ENTREP2: variants seen among roughly 807,000 people sequenced by gnomAD.
ENTREP2 encodes protein ENTREP2.
At chr15:29,400,349 G>A in the ENTREP2 span, among the ~76,000 whole-genome samples, 6 of 152,190 alleles carry the variant, frequency 3.9e-5, no homozygotes, top group African/African-American at 1.4e-4. Flanking sequence ...TTTAATAAGA[G>A]GTGAGCAGGA....
chr15:29,215,975 C>A, the ENTREP2 span, among the ~76,000 whole-genome samples: 2 of 152,114 alleles, frequency 1.3e-5, no homozygotes, highest in African/African-American at 4.8e-5. Flanking sequence ...ATGTGAGGTA[C>A]CATTGCATTC....
the ENTREP2 span, among the ~76,000 whole-genome samples, chr15:29,189,420 C>CTT: frequency 3.7e-3 from 529 of 142,636 alleles, 1 homozygote; most frequent in African/African-American, 0.013. Flanking sequence ...AATTGTCTTG[C>CTT]TTTTTTTTTT....
At chr15:29,648,876 T>C in the ENTREP2 span, among the ~76,000 whole-genome samples, 2 of 151,932 alleles carry the variant, frequency 1.3e-5, no homozygotes, top group Non-Finnish European at 2.9e-5. Context: ...GAGGCGGAAG[T>C]TGCAGTGAGC....
chr15:29,627,532 A>G, the ENTREP2 span, among the ~76,000 whole-genome samples: 1 of 138,688 alleles, frequency 7.2e-6, no homozygotes, highest in African/African-American at 3.0e-5. Context: ...ACAGAGCAAG[A>G]CTCCATCTAA....
the ENTREP2 span, among the ~76,000 whole-genome samples, chr15:29,652,996 G>A: frequency 6.6e-6 from 1 of 152,100 alleles, no homozygotes; most frequent in Admixed American, 6.5e-5. Flanking sequence ...CATAAGAAAG[G>A]TTCTTAATAA....
chr15:29,514,932 T>A, the ENTREP2 span, among the ~76,000 whole-genome samples: 10 of 152,166 alleles, frequency 6.6e-5, no homozygotes, highest in Non-Finnish European at 1.5e-4. Context: ...CACGGCAGGA[T>A]AGACAGGACA....
the ENTREP2 span, among the ~76,000 whole-genome samples, chr15:29,336,021 A>G: frequency 2.0e-5 from 3 of 151,236 alleles, no homozygotes; most frequent in African/African-American, 7.3e-5. Context: ...GGGCGCCTGT[A>G]GTCCCAGCTG....
the ENTREP2 span, among the ~76,000 whole-genome samples, chr15:29,513,280 C>A: frequency 5.3e-5 from 8 of 152,136 alleles, no homozygotes; most frequent in African/African-American, 1.9e-4. Flanking sequence ...TACACCCGGC[C>A]CAAAGCACCC....
the ENTREP2 span, among the ~76,000 whole-genome samples, chr15:29,354,749 C>G: frequency 7.3e-4 from 111 of 151,984 alleles, 2 homozygotes; most frequent in South Asian, 0.014. Flanking sequence ...GAGACTGCCC[C>G]AAAACAGAAA....
At chr15:29,299,039 C>T in the ENTREP2 span, among the ~76,000 whole-genome samples, 1 of 152,106 alleles carries the variant, frequency 6.6e-6, no homozygotes, top group Non-Finnish European at 1.5e-5. Flanking sequence ...ACTAGAAGTA[C>T]ATAAAAATGA....
chr15:29,415,137 C>T, the ENTREP2 span, among the ~76,000 whole-genome samples: 1 of 151,756 alleles, frequency 6.6e-6, no homozygotes, highest in Non-Finnish European at 1.5e-5. Flanking sequence ...AGTGAATCCC[C>T]CCTAACTCAT....
At chr15:29,225,889 G>A in the ENTREP2 span, among the ~76,000 whole-genome samples, 3 of 152,142 alleles carry the variant, frequency 2.0e-5, no homozygotes, top group African/African-American at 7.2e-5. Flanking sequence ...TATTGGCCAC[G>A]TCCACCACAC....
the ENTREP2 span, among the ~76,000 whole-genome samples, chr15:29,515,555 G>A: frequency 1.3e-5 from 2 of 152,108 alleles, no homozygotes; most frequent in Non-Finnish European, 2.9e-5. Flanking sequence ...AAACCACAAG[G>A]AATGAATTCT....
chr15:29,293,802 C>T, the ENTREP2 span, among the ~76,000 whole-genome samples: 2 of 152,212 alleles, frequency 1.3e-5, no homozygotes, highest in African/African-American at 4.8e-5. Context: ...CACCCTCCAC[C>T]CCCGCTCCAC....
chr15:29,644,109 G>T, the ENTREP2 span, among the ~76,000 whole-genome samples: 1 of 152,182 alleles, frequency 6.6e-6, no homozygotes, highest in Non-Finnish European at 1.5e-5. Flanking sequence ...TTGTCAAGAA[G>T]AATAAATGAA....
the ENTREP2 span, among the ~76,000 whole-genome samples, chr15:29,510,333 C>T: frequency 6.6e-6 from 1 of 152,204 alleles, no homozygotes; most frequent in Non-Finnish European, 1.5e-5. Flanking sequence ...TTGTGGAAGA[C>T]AGTGTGGCGA....
the ENTREP2 span, among the ~76,000 whole-genome samples, chr15:29,328,502 C>T: frequency 9.2e-5 from 14 of 152,136 alleles, no homozygotes; most frequent in African/African-American, 2.9e-4. Context: ...TACGAAACAA[C>T]CTCACTGAAA....
the ENTREP2 span, among the ~76,000 whole-genome samples, chr15:29,243,301 C>T: frequency 6.6e-6 from 1 of 152,000 alleles, no homozygotes; most frequent in African/African-American, 2.4e-5. Context: ...AATTAGGGGC[C>T]ACATGTTCTC....
At chr15:29,273,324 G>A in the ENTREP2 span, among the ~76,000 whole-genome samples, 59 of 150,538 alleles carry the variant, frequency 3.9e-4, no homozygotes, top group African/African-American at 1.4e-3. Flanking sequence ...TCAGCCTCCC[G>A]AGTAGCTAGG....
Sources: allele counts gnomAD v4.1 joint callset (sites outside exome capture counted in the v4.1 genomes callset), GRCh38; gene constraint gnomAD v4.1.1; transcripts MANE v1.5; gene names NCBI Gene and HGNC (gene_info 2026-07-23, HGNC 2026-07-21).